The following PIAS1 variants were observed in gnomAD, a reference collection of about 807,000 sequenced individuals.
PIAS1 encodes the protein E3 SUMO-protein ligase PIAS1.
Under a neutral mutation model 71.3 loss-of-function variants are expected in PIAS1, and 6 were observed. The observed-to-expected ratio is 0.08, with a 90% confidence interval of 0.05 to 0.17. The LOEUF (loss-of-function observed/expected upper bound fraction) is 0.17, where lower values mean the gene tolerates loss of function less well. PIAS1 is among the 10% of genes least tolerant of loss of function. The pLI is 1.00. For synonymous variants in PIAS1, 303 were observed against 292.9 expected, an observed-to-expected ratio of 1.03 and a Z score of -0.35; for missense variants, 555 against 793.6, an observed-to-expected ratio of 0.70 and a Z score of 3.61.
At position 68,173,681 on chromosome 15, in the gene PIAS1, T is replaced by A; in HGVS notation, c.1009-51T>A. On this transcript the variant is annotated intron_variant, in intron 8 of 13. Transcript: ENST00000249636. The surrounding 1 kb of genome is among the most constrained non-coding windows in gnomAD (Gnocchi z 4.3). ...GTTCTAGGAAATTTTTGTCAAAGCT[T>A]AAATGTTGAATAGCAATTATCTAAT... The A allele has an allele frequency of 7.3e-7, 1 of 1,372,076 alleles. No homozygotes were observed. Among genetic ancestry groups the A allele is most frequent in the Non-Finnish European group, 9.7e-7 (1 of 1,029,678 alleles). The allele number at this position is 1,372,076 out of a possible 1,614,324, so 85.0% of individuals were successfully genotyped here. A position where few individuals can be genotyped will look rare whatever the true frequency, so the allele number is the denominator to read the frequency against.
chr15:68,193,092 T>A lies in PIAS1; in HGVS notation c.*5257T>A, dbSNP rs192244250. The A allele has an allele frequency of 6.6e-6, 1 of 152,396 alleles. No homozygotes were observed. Among genetic ancestry groups the A allele is most frequent in the East Asian group, 1.9e-4 (1 of 5,192 alleles). The allele number at this position is 152,396 out of a possible 1,614,324, so 9.4% of individuals were successfully genotyped here. A position where few individuals can be genotyped will look rare whatever the true frequency, so the allele number is the denominator to read the frequency against. On this transcript the variant is annotated 3_prime_UTR_variant, in exon 14 of 14. Coordinates refer to ENST00000249636, the MANE Select transcript of PIAS1 (RefSeq NM_016166.3). Reference sequence around the variant, plus strand: ...CTGGCCATTGCTGGTTACATCCCCTTATTTCTCTCCGTAAGTCCTGGGGAG... The same window carrying A: ...CTGGCCATTGCTGGTTACATCCCCTAATTTCTCTCCGTAAGTCCTGGGGAG...
At chr15:68,158,675 G>A (rs2141070190) in intron 7 of PIAS1, among the ~76,000 whole-genome samples, 1 of 152,244 alleles carries the variant, frequency 6.6e-6, no homozygotes, top group Non-Finnish European at 1.5e-5. Flanking sequence ...AAAAAATCAG[G>A]TCTTGGTGCC....
chr15:68,175,828 A>G, intron 10 of PIAS1, 61 bp downstream of exon 10: 4 of 1,148,086 alleles, frequency 3.5e-6, no homozygotes, highest in Non-Finnish European at 4.7e-6. Flanking sequence ...GGTTTTCAAT[A>G]TTAAAATCCA....
chr15:68,054,693 C>T lies in PIAS1; in HGVS notation c.24+343C>T, dbSNP rs1317136549. The T allele has an allele frequency of 4.5e-6, 1 of 222,816 alleles. No homozygotes were observed. The highest frequency in any genetic ancestry group is 2.3e-5 in the African/African-American group (1 of 43,762). The allele number at this position is 222,816 out of a possible 1,614,324, so 13.8% of individuals were successfully genotyped here. A position where few individuals can be genotyped will look rare whatever the true frequency, so the allele number is the denominator to read the frequency against. ...CCTTCCAGTTAGCCTCCCTGCCCCC[C>T]ATGGGGAGCTGGGGCTGGGGGCAGG... On this transcript the variant is annotated intron_variant, in intron 1 of 13. Transcript: ENST00000249636. This position sits in a 1 kb window ranked among gnomAD's most constrained non-coding sequence, Gnocchi z 4.6.
At chr15:68,079,815 T>C (rs1050373502) in intron 1 of PIAS1, among the ~76,000 whole-genome samples, 5 of 151,932 alleles carry the variant, frequency 3.3e-5, no homozygotes, top group African/African-American at 9.7e-5. Context: ...TCCAATGTTA[T>C]AACATTCTGA....
At chr15:68,104,093 A>G (rs929929247) in intron 2 of PIAS1, among the ~76,000 whole-genome samples, 3 of 152,132 alleles carry the variant, frequency 2.0e-5, no homozygotes, top group Non-Finnish European at 2.9e-5. Context: ...ATCCTTACCA[A>G]CACTTGTTAT....
At chr15:68,179,409 T>C (rs895041554) in intron 11 of PIAS1, among the ~76,000 whole-genome samples, 1 of 152,060 alleles carries the variant, frequency 6.6e-6, no homozygotes, top group Non-Finnish European at 1.5e-5. Flanking sequence ...TTTCTAGATA[T>C]AAGAGGTTTA....
intron 2 of PIAS1, among the ~76,000 whole-genome samples, chr15:68,133,960 T>C (rs868643440): frequency 0.79 from 87 of 110 alleles, 43 homozygotes; most frequent in African/African-American, 0.79. Context: ...TGCCTTCAAG[T>C]ATCTGTTTAA....
intron 2 of PIAS1, among the ~76,000 whole-genome samples, chr15:68,129,053 T>TA (rs2092671425): frequency 6.6e-6 from 1 of 152,132 alleles, no homozygotes; most frequent in South Asian, 2.1e-4. Context: ...TTATAAATAT[T>TA]AGAGGATACA....
chr15:68,151,939 A>ATTTTTTTTTT lies in PIAS1; in HGVS notation c.829-1639_829-1630dup, dbSNP rs1201017658. On this transcript the variant is annotated intron_variant, in intron 6 of 13. Coordinates refer to ENST00000249636, the MANE Select transcript of PIAS1 (RefSeq NM_016166.3). ...ATGTTGTATGCTCTAAAATTTAGGA[A>ATTTTTTTTTT]TTTTTTTTTTTTTTTTTTTTTGGGG... 1.1e-3 allele frequency among the ~76,000 whole-genome samples: 74 copies of ATTTTTTTTTT among 68,194 alleles called. 5 individuals carry two copies. The highest frequency in any genetic ancestry group is 1.2e-3 in the Non-Finnish European group (49 of 39,562). 44.7% of individuals were successfully genotyped at this position (68,194 alleles called of 152,430 possible). A position where few individuals can be genotyped will look rare whatever the true frequency, so the allele number is the denominator to read the frequency against.
At chr15:68,140,122 G>C (rs998772729) in intron 2 of PIAS1, among the ~76,000 whole-genome samples, 2 of 151,972 alleles carry the variant, frequency 1.3e-5, no homozygotes, top group African/African-American at 4.8e-5. Flanking sequence ...AAGTGTAGGG[G>C]CTATTATTAA....
In PIAS1 at chr15:68,187,877, G is replaced by A; in HGVS notation, c.*42G>A. The A allele has an allele frequency of 1.9e-6, 3 of 1,556,440 alleles. No homozygotes were observed. The highest frequency in any genetic ancestry group is 2.6e-6 in the Non-Finnish European group (3 of 1,137,750). On this transcript the variant is annotated 3_prime_UTR_variant, in exon 14 of 14. Coordinates refer to ENST00000249636, the MANE Select transcript of PIAS1 (RefSeq NM_016166.3). This position sits in a 1 kb window ranked among gnomAD's most constrained non-coding sequence, Gnocchi z 5.3. ...CTCCCATCCCCACCCCAGATCGAATGAACTTGGCAGAAAGAAGAGAACTTT... is the reference window on the plus strand; with the variant it reads ...CTCCCATCCCCACCCCAGATCGAATAAACTTGGCAGAAAGAAGAGAACTTT...
At chr15:68,175,804 A>G (rs910291436) in intron 10 of PIAS1, 37 bp downstream of exon 10, 3 of 1,490,844 alleles carry the variant, frequency 2.0e-6, no homozygotes, top group Non-Finnish European at 2.7e-6. Flanking sequence ...CAGTCTCCCT[A>G]CTGCTCTAAG....
chr15:68,069,806 A>C, intron 1 of PIAS1, among the ~76,000 whole-genome samples: 1 of 53,354 alleles, frequency 1.9e-5, no homozygotes, highest in African/African-American at 5.8e-5. Flanking sequence ...TCCGTCTCAA[A>C]AAAAAAAAAA....
intron 2 of PIAS1, among the ~76,000 whole-genome samples, chr15:68,133,314 G>T (rs576927775): frequency 6.6e-6 from 1 of 151,966 alleles, no homozygotes; most frequent in Non-Finnish European, 1.5e-5. Flanking sequence ...AAGACAGGAA[G>T]GTTAAAGATG....
Position 68,129,794 on chromosome 15 carries a change from T to TACACACAC in PIAS1, c.470-12117_470-12110dup, listed in dbSNP as rs67860159. On this transcript the variant is annotated intron_variant, in intron 2 of 13. Coordinates refer to ENST00000249636, the MANE Select transcript of PIAS1 (RefSeq NM_016166.3). ...AAGCAGATTGCAAAATAATTGTATT[T>TACACACAC]ACACACACACACACACACACACACA... Among the ~76,000 whole-genome samples, 335 of 145,086 alleles carry TACACACAC rather than the reference T, an allele frequency of 2.3e-3. 2 individuals carry two copies. Among genetic ancestry groups the TACACACAC allele is most frequent in the African/African-American group, 7.8e-3 (305 of 39,118 alleles).
In PIAS1 at chr15:68,151,938, A is replaced by ATTT. The variant is rs1567065720; in HGVS notation, c.829-1652_829-1651insTTT. 7.0e-3 allele frequency among the ~76,000 whole-genome samples: 259 copies of ATTT among 37,204 alleles called. 1 individual carries two copies. The highest frequency in any genetic ancestry group is 0.02 in the African/African-American group (247 of 12,318). The allele number at this position is 37,204 out of a possible 152,430, so 24.4% of individuals were successfully genotyped here. On this transcript the variant is annotated intron_variant, in intron 6 of 13. Transcript: ENST00000249636. ...TATGTTGTATGCTCTAAAATTTAGG[A>ATTT]ATTTTTTTTTTTTTTTTTTTTTGGG...
At chr15:68,147,293 C>G (rs1248655838) in intron 6 of PIAS1, among the ~76,000 whole-genome samples, 2 of 152,102 alleles carry the variant, frequency 1.3e-5, no homozygotes, top group African/African-American at 4.8e-5. Context: ...TTTACCAATT[C>G]TGTTAGGTAA....
rs2093095267 is a variant in PIAS1 at position 68,187,478 on chromosome 15, G to C, written c.1663-64G>C. The C allele has an allele frequency of 6.9e-7, 1 of 1,444,376 alleles. No individual in the cohort carries two copies. The highest frequency in any genetic ancestry group is 9.6e-7 in the Non-Finnish European group (1 of 1,036,868). 89.5% of individuals were successfully genotyped at this position (1,444,376 alleles called of 1,614,324 possible). ...TAAATTTAGGGCTGTGTCCCGCTGA[G>C]GAGAAAATATATTAATTTGGAAGTA... On this transcript the variant is annotated intron_variant, in intron 13 of 13. Transcript: ENST00000249636. This position sits in a 1 kb window ranked among gnomAD's most constrained non-coding sequence, Gnocchi z 5.3.
Sources: allele counts gnomAD v4.1 joint callset (sites outside exome capture counted in the v4.1 genomes callset), GRCh38; gene constraint gnomAD v4.1.1; non-coding constraint Gnocchi (gnomAD v3.1); transcripts MANE v1.5; gene names NCBI Gene and HGNC (gene_info 2026-07-23, HGNC 2026-07-21).